The following AFG2A variants were observed in gnomAD, a reference collection of about 807,000 sequenced individuals.
AFG2A encodes the protein AAA ATPase AFG2A.
chr4:123,017,092 G>A, the AFG2A span, among the ~76,000 whole-genome samples: 3 of 150,762 alleles, frequency 2.0e-5, no homozygotes, highest in Middle Eastern at 3.4e-3. Flanking sequence ...GCTTCGGCTC[G>A]GCATCAGTGG....
chr4:122,947,728 A>G, the AFG2A span, among the ~76,000 whole-genome samples: 1 of 152,198 alleles, frequency 6.6e-6, no homozygotes, highest in Non-Finnish European at 1.5e-5. Context: ...TATAGTGTAT[A>G]CAGTCAGCCC....
At chr4:122,996,117 T>A in the AFG2A span, among the ~76,000 whole-genome samples, 1 of 152,216 alleles carries the variant, frequency 6.6e-6, no homozygotes, top group African/African-American at 2.4e-5. Context: ...ATTAGCCTCC[T>A]TTTCCACTTG....
the AFG2A span, among the ~76,000 whole-genome samples, chr4:123,208,085 G>A: frequency 2.0e-5 from 3 of 152,148 alleles, no homozygotes; most frequent in East Asian, 5.8e-4. Flanking sequence ...TAGACTATAT[G>A]TAGACCAATG....
the AFG2A span, among the ~76,000 whole-genome samples, chr4:123,284,963 G>A: frequency 6.6e-6 from 1 of 152,132 alleles, no homozygotes; most frequent in Admixed American, 6.6e-5. Flanking sequence ...CTTTTGGATA[G>A]TGTGTTCCTT....
At chr4:123,046,796 T>A in the AFG2A span, among the ~76,000 whole-genome samples, 1 of 152,200 alleles carries the variant, frequency 6.6e-6, no homozygotes, top group Admixed American at 6.5e-5. Flanking sequence ...CCTCCTCCTC[T>A]CTTCCCTCCT....
the AFG2A span, among the ~76,000 whole-genome samples, chr4:123,311,625 C>CAAAAAAAAAAAAAAAAAAAAAAAA: frequency 1.1e-5 from 1 of 92,234 alleles, no homozygotes; most frequent in Non-Finnish European, 2.1e-5. Context: ...GACTCTGTCT[C>CAAAAAAAAAAAAAAAAAAAAAAAA]AAAAAAAAAA....
the AFG2A span, among the ~76,000 whole-genome samples, chr4:123,006,394 C>T: frequency 1.3e-5 from 2 of 151,644 alleles, no homozygotes; most frequent in Non-Finnish European, 2.9e-5. Context: ...GTTTCTTGTG[C>T]TTTCGGTTTA....
chr4:123,030,752 T>C, the AFG2A span, among the ~76,000 whole-genome samples: 1 of 152,240 alleles, frequency 6.6e-6, no homozygotes, highest in Non-Finnish European at 1.5e-5. Flanking sequence ...CAAAATGCTT[T>C]GGACCTGAAG....
At chr4:122,946,099 A>G in the AFG2A span, among the ~76,000 whole-genome samples, 1 of 152,228 alleles carries the variant, frequency 6.6e-6, no homozygotes, top group Non-Finnish European at 1.5e-5. Flanking sequence ...CACTTACAAG[A>G]GAATCATGTA....
chr4:123,075,499 C>A, the AFG2A span, among the ~76,000 whole-genome samples: 1 of 151,912 alleles, frequency 6.6e-6, no homozygotes, highest in Non-Finnish European at 1.5e-5. Context: ...GGGGTTTCAC[C>A]ATGTTGGTGA....
the AFG2A span, among the ~76,000 whole-genome samples, chr4:123,236,902 C>T: frequency 6.6e-6 from 1 of 152,152 alleles, no homozygotes; most frequent in African/African-American, 2.4e-5. Flanking sequence ...TTGAGAAACC[C>T]TGAAAATTGG....
chr4:123,118,119 TG>T, the AFG2A span, among the ~76,000 whole-genome samples: 3,448 of 151,292 alleles, frequency 0.023, 90 homozygotes, highest in South Asian at 0.094. Context: ...TGGTAACATA[TG>T]TATATAATTC....
the AFG2A span, among the ~76,000 whole-genome samples, chr4:123,007,642 A>ACAC: frequency 1.9e-3 from 48 of 25,494 alleles, no homozygotes; most frequent in South Asian, 0.021. Context: ...ACACACACAC[A>ACAC]ACACACACAC....
At chr4:122,938,127 C>CT in the AFG2A span, 1 of 1,591,206 alleles carries the variant, frequency 6.3e-7, no homozygotes, top group Admixed American at 1.8e-5. Flanking sequence ...TGTTTTTAGA[C>CT]ACCCATCAAT....
chr4:122,942,093 T>A, the AFG2A span, among the ~76,000 whole-genome samples: 17 of 151,862 alleles, frequency 1.1e-4, no homozygotes, highest in African/African-American at 3.9e-4. Flanking sequence ...TCTAAAATTC[T>A]CTTTTTTGGT....
the AFG2A span, among the ~76,000 whole-genome samples, chr4:123,135,572 A>C: frequency 2.0e-5 from 3 of 152,228 alleles, no homozygotes; most frequent in Non-Finnish European, 4.4e-5. Context: ...ATACTCAGAA[A>C]AAAATGGATA....
At chr4:122,978,113 C>T in the AFG2A span, among the ~76,000 whole-genome samples, 4 of 151,010 alleles carry the variant, frequency 2.6e-5, no homozygotes, top group African/African-American at 4.9e-5. Flanking sequence ...GGCATCCCAG[C>T]TAGTGTCCAG....
chr4:123,082,504 GTC>G, the AFG2A span, among the ~76,000 whole-genome samples: 5 of 142,384 alleles, frequency 3.5e-5, no homozygotes, highest in East Asian at 2.2e-4. Context: ...GTGTGTCTCT[GTC>G]TCTCTCTCTC....
chr4:122,981,263 A>AT, the AFG2A span, among the ~76,000 whole-genome samples: 2 of 152,144 alleles, frequency 1.3e-5, no homozygotes, highest in African/African-American at 4.8e-5. Flanking sequence ...TCCTGACACC[A>AT]TTTTTTAAAG....
Sources: gnomAD v4.1 joint callset for allele counts (sites outside exome capture counted in the v4.1 genomes callset) on GRCh38, gnomAD v4.1.1 for gene constraint, MANE v1.5 for transcripts, NCBI Gene and HGNC (gene_info 2026-07-23, HGNC 2026-07-21) for gene names.